TRAPPC9: variants seen among roughly 807,000 people sequenced by gnomAD.
TRAPPC9 encodes the protein trafficking protein particle complex subunit 9, also known as IKK2 binding protein.
A neutral mutation model predicts 124.0 loss-of-function variants in TRAPPC9; 83 were observed. The observed-to-expected ratio is 0.67, with a 90% CI of 0.56 to 0.80. TRAPPC9 has a LOEUF of 0.80. TRAPPC9 is among the 30% of genes least tolerant of loss of function. The pLI, the probability that TRAPPC9 is intolerant of heterozygous loss-of-function variation, is 0.00. For missense variants in TRAPPC9, 1,302 were observed against 1,508.3 expected (o/e 0.86, Z 2.27); for synonymous variants, 638 against 617.5 (o/e 1.03, Z -0.49).
intron 17 of TRAPPC9, among the ~76,000 whole-genome samples, chr8:140,139,813 G>A (rs1183480471): frequency 2.0e-5 from 3 of 152,020 alleles, no homozygotes; most frequent in East Asian, 3.9e-4. Flanking sequence ...TGCTGATGTC[G>A]CATTTCTCAT....
At chr8:139,979,495 C>T (rs1341201993) in intron 19 of TRAPPC9, among the ~76,000 whole-genome samples, 2 of 152,146 alleles carry the variant, frequency 1.3e-5, no homozygotes, top group African/African-American at 2.4e-5. Context: ...GGTGCACGGT[C>T]GGCACCAGAG....
intron 21 of TRAPPC9, among the ~76,000 whole-genome samples, chr8:139,792,911 T>C (rs879765776): frequency 6.6e-6 from 1 of 152,210 alleles, no homozygotes; most frequent in Non-Finnish European, 1.5e-5. Context: ...CCACGGGCCA[T>C]CTTCTGTCAA....
intron 9 of TRAPPC9, among the ~76,000 whole-genome samples, chr8:140,325,210 G>A (rs2066705648): frequency 6.6e-6 from 1 of 152,074 alleles, no homozygotes; most frequent in African/African-American, 2.4e-5. Context: ...GTGCTTAGAG[G>A]GAAATTTATA....
rs556941978 is a variant in TRAPPC9 at position 140,419,903 on chromosome 8, G to T, written c.886+6712C>A. On this transcript the variant is annotated intron_variant, in intron 5 of 22. Coordinates refer to ENST00000438773, the MANE Select transcript of TRAPPC9 (RefSeq NM_001160372.4). ...TCCGTCTCAAAAAAAAAAGAGAAACGATGAAAAACTCTGTCTCTTTTCAGA... is the reference window on the plus strand; with the variant it reads ...TCCGTCTCAAAAAAAAAAGAGAAACTATGAAAAACTCTGTCTCTTTTCAGA... 1.5e-3 allele frequency among the ~76,000 whole-genome samples: 227 copies of T among 151,840 alleles called. 1 individual carries two copies. The highest frequency in any genetic ancestry group is 3.4e-3 in the Middle Eastern group (1 of 294).
At chr8:139,934,487 T>A (rs1477875227) in intron 19 of TRAPPC9, among the ~76,000 whole-genome samples, 6 of 152,264 alleles carry the variant, frequency 3.9e-5, no homozygotes, top group Non-Finnish European at 5.9e-5. Flanking sequence ...TTGTAGGCCA[T>A]GCACTGCTGA....
rs894524763 is a variant in TRAPPC9, at chr8:139,843,498, G to A, written c.3055+42381C>T. Among the ~76,000 whole-genome samples, 2 of 152,328 alleles carry A rather than the reference G, an allele frequency of 1.3e-5. 1 individual carries two copies. Among genetic ancestry groups the A allele is most frequent in the Middle Eastern group, 6.8e-3 (2 of 294 alleles). Reference sequence around the variant, plus strand: ...CCAAAGATCCTGACCCACGGAACCGGTGGACTGGTGTTCTTCCACGGCCAA... The same window carrying A: ...CCAAAGATCCTGACCCACGGAACCGATGGACTGGTGTTCTTCCACGGCCAA... On this transcript the variant is annotated intron_variant, in intron 21 of 22. Transcript: ENST00000438773.
chr8:140,163,078 C>A (rs2061777507), intron 17 of TRAPPC9, among the ~76,000 whole-genome samples: 1 of 152,106 alleles, frequency 6.6e-6, no homozygotes, highest in Non-Finnish European at 1.5e-5. Context: ...AAAACATAGT[C>A]CACACTCTTT....
rs139449572 is a variant in TRAPPC9, at chr8:139,939,337, C to T, written c.2811-29037G>A. Among the ~76,000 whole-genome samples the T allele has an allele frequency of 2.8e-4, 43 of 152,302 alleles. No individual in the cohort carries two copies. The East Asian group carries it at 8.1e-3, about 29-fold the overall frequency. ...TGAGTGGACAACACACAGCAAGAGG[C>T]GTGGCGGGCAGGTGCCAGCACCTGA... is the stretch of plus-strand genomic sequence containing the variant. On this transcript the variant is annotated intron_variant, in intron 19 of 22. Transcript: ENST00000438773.
chr8:140,130,842 C>T (rs900990641), intron 17 of TRAPPC9, among the ~76,000 whole-genome samples: 7 of 151,994 alleles, frequency 4.6e-5, no homozygotes, highest in South Asian at 2.1e-4. Context: ...TATGGGATTG[C>T]GTCAAAATTT....
chr8:139,775,618 G>A (rs1341064241), intron 21 of TRAPPC9, among the ~76,000 whole-genome samples: 2 of 152,236 alleles, frequency 1.3e-5, no homozygotes, highest in African/African-American at 2.4e-5. Context: ...TCTGAGGCCA[G>A]CCTGGTTTCC....
In TRAPPC9 at chr8:140,423,362, C is replaced by G. The variant is rs182231813; in HGVS notation, c.886+3253G>C. ...GGCTGAAGCAGGAGAATCGCTTGAA[C>G]CCAGGAGGCGGAGGTTGCAGTGAGC... On this transcript the variant is annotated intron_variant, in intron 5 of 22. Transcript: ENST00000438773. Among the ~76,000 whole-genome samples the G allele has an allele frequency of 1.8e-4, 27 of 152,164 alleles. 1 individual carries two copies. The East Asian group carries it at 2.5e-3, about 14-fold the overall frequency.
intron 17 of TRAPPC9, among the ~76,000 whole-genome samples, chr8:140,114,777 T>G (rs574484858): frequency 6.6e-6 from 1 of 152,290 alleles, no homozygotes; most frequent in South Asian, 2.1e-4. Flanking sequence ...AGAAAAAGTT[T>G]CTGTGAGAGG....
chr8:139,764,272 C>T (rs146305160), intron 21 of TRAPPC9, among the ~76,000 whole-genome samples: 9 of 152,234 alleles, frequency 5.9e-5, no homozygotes, highest in African/African-American at 1.9e-4. Flanking sequence ...GTCCGTGTGG[C>T]TGTAGCAGGG....
Position 140,370,957 on chromosome 8 carries a change from C to T in TRAPPC9, c.1351+7G>A, listed in dbSNP as rs778048742. On this transcript the variant is annotated splice_region_variant and intron_variant, in intron 8 of 22. Transcript: ENST00000438773. ...ACACCTTAGCGCCAGCAAGGGGACT[C>T]CAGTACCTCTGCTGAAATCTTTGGG... The T allele has an allele frequency of 6.2e-7, 1 of 1,613,734 alleles. No individual in the cohort carries two copies. The highest frequency in any genetic ancestry group is 8.5e-7 in the Non-Finnish European group (1 of 1,180,018).
chr8:140,312,521 GGT>G (rs1357676683), intron 9 of TRAPPC9, among the ~76,000 whole-genome samples: 1 of 152,026 alleles, frequency 6.6e-6, no homozygotes, highest in Non-Finnish European at 1.5e-5. Flanking sequence ...TGGCAGATAC[GGT>G]GCACTGAATA....
intron 17 of TRAPPC9, among the ~76,000 whole-genome samples, chr8:140,034,785 G>A (rs1436995718): frequency 6.6e-6 from 1 of 152,230 alleles, no homozygotes; most frequent in Admixed American, 6.5e-5. Context: ...CGAAAGCTTA[G>A]GGAAATAAAT....
Position 139,884,501 on chromosome 8 carries a change from A to G in TRAPPC9, c.3055+1378T>C, listed in dbSNP as rs373857312. Among the ~76,000 whole-genome samples, 205 of 152,246 alleles carry G rather than the reference A, an allele frequency of 1.3e-3. 1 individual carries two copies. Among genetic ancestry groups the G allele is most frequent in the African/African-American group, 4.7e-3 (197 of 41,564 alleles). On this transcript the variant is annotated intron_variant, in intron 21 of 22. Transcript: ENST00000438773. ...CCTCCCTTCGCTCATTTGCCCCATGAAAGTCCTGCATAGCTACCTGGTGGA... is the reference window on the plus strand; with the variant it reads ...CCTCCCTTCGCTCATTTGCCCCATGGAAGTCCTGCATAGCTACCTGGTGGA...
Position 140,257,904 on chromosome 8 carries a change from TGAG to T in TRAPPC9, c.2279-4978_2279-4976del, listed in dbSNP as rs1363484448. 6.6e-6 allele frequency among the ~76,000 whole-genome samples: 1 copy of T among 152,190 alleles called. No individual in the cohort carries two copies. Among genetic ancestry groups the T allele is most frequent in the African/African-American group, 2.4e-5 (1 of 41,436 alleles). On this transcript the variant is annotated intron_variant, in intron 15 of 22. Coordinates refer to ENST00000438773, the MANE Select transcript of TRAPPC9 (RefSeq NM_001160372.4). This position sits in a 1 kb window ranked among gnomAD's most constrained non-coding sequence, Gnocchi z 4.6. Reference sequence around the variant, plus strand: ...TGTAGCTCTCACTGGGATGTGCATGTGAGGAGAACTGCATCACTGTCCTTTGGC... The same window carrying T: ...TGTAGCTCTCACTGGGATGTGCATGTGAGAACTGCATCACTGTCCTTTGGC...
intron 17 of TRAPPC9, among the ~76,000 whole-genome samples, chr8:140,082,625 G>A (rs1325882064): frequency 3.9e-5 from 6 of 152,186 alleles, no homozygotes; most frequent in African/African-American, 1.2e-4. Context: ...CCTAGCCTTT[G>A]ACAAACTGTT....
Sources: gnomAD v4.1 joint callset for allele counts (sites outside exome capture counted in the v4.1 genomes callset) on GRCh38, gnomAD v4.1.1 for gene constraint, Gnocchi (gnomAD v3.1) non-coding constraint, MANE v1.5 for transcripts, NCBI Gene and HGNC (gene_info 2026-07-23, HGNC 2026-07-21) for gene names.